IPO11: variants seen among roughly 807,000 people sequenced by gnomAD.
IPO11 encodes importin-11.
Under a neutral mutation model 143.2 loss-of-function variants are expected in IPO11, and 66 were observed. That is an observed-to-expected ratio of 0.46 (90% CI 0.38 to 0.57). IPO11 has a LOEUF of 0.57. Among genes scored for constraint, IPO11 ranks in the 20% least tolerant of loss-of-function variants. The pLI is 0.00. For missense variants in IPO11, 1,026 were observed against 1,141.0 expected, an observed-to-expected ratio of 0.90 and a Z score of 1.45; for synonymous variants, 385 against 377.8, an observed-to-expected ratio of 1.02 and a Z score of -0.22.
chr5:62,608,409 G>T (rs1036901447), intron 29 of IPO11, among the ~76,000 whole-genome samples: 1 of 152,142 alleles, frequency 6.6e-6, no homozygotes, highest in African/African-American at 2.4e-5. Flanking sequence ...TGTTCTTTTG[G>T]TATATAACCA....
chr5:62,507,876 C>G (rs894059659), intron 19 of IPO11, among the ~76,000 whole-genome samples: 1 of 152,202 alleles, frequency 6.6e-6, no homozygotes, highest in Non-Finnish European at 1.5e-5. Context: ...ATAGCCTAAG[C>G]AGCTTACATG....
At chr5:62,437,462 G>T (rs749484104) in intron 2 of IPO11, 45 bp downstream of exon 2, 2 of 1,534,306 alleles carry the variant, frequency 1.3e-6, no homozygotes, top group South Asian at 2.5e-5. Flanking sequence ...AATAAAATGA[G>T]ACAACATTAA....
intron 14 of IPO11, among the ~76,000 whole-genome samples, 169 bp from the exon 15 acceptor site, chr5:62,489,946 A>G (rs537111875): frequency 1.9e-3 from 288 of 152,316 alleles, no homozygotes; most frequent in African/African-American, 6.6e-3. Context: ...ACATGAAGTA[A>G]AATAGTGTTT....
At chr5:62,530,837 G>A in intron 22 of IPO11, 52 bp downstream of exon 22, 1 of 1,320,226 alleles carries the variant, frequency 7.6e-7, no homozygotes, top group South Asian at 1.2e-5. Context: ...ACCATAATTG[G>A]GAGGCATTGA....
At chr5:62,587,016 A>G (rs1248667796) in intron 27 of IPO11, among the ~76,000 whole-genome samples, 1 of 151,094 alleles carries the variant, frequency 6.6e-6, no homozygotes, top group Non-Finnish European at 1.5e-5. Flanking sequence ...ACCAGCCCTT[A>G]ATCATCTCCT....
In IPO11 at chr5:62,513,815, G is replaced by C. The variant is rs1419684516; in HGVS notation, c.1783-1573G>C. 3.3e-5 allele frequency among the ~76,000 whole-genome samples: 5 copies of C among 151,174 alleles called. No homozygotes were observed. The East Asian group carries it at 9.8e-4, about 30-fold the overall frequency. ...CCAGACGGGGTGGCAGCCAGGCGGA[G>C]GGGCTCCTCACTTCTCAGACGGGGC... On this transcript the variant is annotated intron_variant, in intron 19 of 29. Transcript: ENST00000325324.
intron 2 of IPO11, among the ~76,000 whole-genome samples, chr5:62,440,539 T>C (rs1277565081): frequency 1.3e-5 from 2 of 151,922 alleles, no homozygotes; most frequent in Non-Finnish European, 2.9e-5. Context: ...GTATTTTTAG[T>C]AGAGACAGGG....
intron 20 of IPO11, 27 bp from the exon 21 acceptor site, chr5:62,526,115 T>A: frequency 6.8e-7 from 1 of 1,469,740 alleles, no homozygotes; most frequent in Non-Finnish European, 9.5e-7. Context: ...AGTGTCTTAT[T>A]ATAAGTTTTA....
chr5:62,591,487 T>C (rs1745008137), intron 27 of IPO11, 90 bp from the exon 28 acceptor site: 4 of 704,698 alleles, frequency 5.7e-6, no homozygotes, highest in Non-Finnish European at 9.3e-6. Flanking sequence ...GAAATTTCTC[T>C]TCATGTTCGA....
intron 16 of IPO11, among the ~76,000 whole-genome samples, chr5:62,496,522 G>A (rs573310015): frequency 6.6e-6 from 1 of 152,094 alleles, no homozygotes; most frequent in East Asian, 1.9e-4. Flanking sequence ...CCCAGTTAGT[G>A]GTTAGTGTTG....
At chr5:62,516,287 T>C (rs1317317877) in intron 20 of IPO11, among the ~76,000 whole-genome samples, 2 of 152,160 alleles carry the variant, frequency 1.3e-5, no homozygotes, top group East Asian at 1.9e-4. Context: ...TTTCCATAAA[T>C]GCTTTCTTTT....
chr5:62,436,003 CAG>C (rs1281931994), intron 1 of IPO11, among the ~76,000 whole-genome samples: 1 of 152,154 alleles, frequency 6.6e-6, no homozygotes, highest in Non-Finnish European at 1.5e-5. Context: ...GCCTGGGTGA[CAG>C]AGTGAGACTC....
At chr5:62,453,426 G>A (rs1391470263) in intron 5 of IPO11, among the ~76,000 whole-genome samples, 2 of 151,046 alleles carry the variant, frequency 1.3e-5, no homozygotes. Flanking sequence ...GCATGTGGAA[G>A]AGAAGGGATG....
intron 16 of IPO11, among the ~76,000 whole-genome samples, chr5:62,498,470 C>G (rs1043349908): frequency 3.3e-5 from 5 of 152,198 alleles, no homozygotes; most frequent in African/African-American, 1.2e-4. Context: ...TTTAGAGGAA[C>G]CTTCTTTTCC....
chr5:62,506,174 C>T (rs533563567), intron 18 of IPO11, 67 bp from the exon 19 acceptor site: 11 of 763,374 alleles, frequency 1.4e-5, no homozygotes, highest in African/African-American at 6.9e-5. Context: ...TACTTCTGTT[C>T]GTATGAATGT....
At chr5:62,492,296 C>T (rs930960751) in intron 15 of IPO11, among the ~76,000 whole-genome samples, 4 of 152,212 alleles carry the variant, frequency 2.6e-5, no homozygotes, top group Non-Finnish European at 5.9e-5. Context: ...TCACTCTACA[C>T]AAGTTGTTAC....
chr5:62,445,920 CA>C (rs1469375649), intron 3 of IPO11, among the ~76,000 whole-genome samples: 1 of 151,996 alleles, frequency 6.6e-6, no homozygotes, highest in Non-Finnish European at 1.5e-5. Context: ...TAGAGTTATG[CA>C]AACTGCTAAA....
intron 26 of IPO11, among the ~76,000 whole-genome samples, chr5:62,554,832 C>T (rs1743517162): frequency 6.6e-6 from 1 of 152,146 alleles, no homozygotes; most frequent in Non-Finnish European, 1.5e-5. Flanking sequence ...TCTCCTGACT[C>T]AGCCTCCCCA....
chr5:62,545,444 T>G (rs901901135), intron 24 of IPO11, among the ~76,000 whole-genome samples: 8 of 152,120 alleles, frequency 5.3e-5, no homozygotes, highest in Admixed American at 4.6e-4. Flanking sequence ...ATACAAAAAT[T>G]AATTCAAGAT....
Sources: gnomAD v4.1 joint callset for allele counts (sites outside exome capture counted in the v4.1 genomes callset) on GRCh38, gnomAD v4.1.1 for gene constraint, MANE v1.5 for transcripts, NCBI Gene and HGNC (gene_info 2026-07-23, HGNC 2026-07-21) for gene names.